MGAT5: variants seen among roughly 807,000 people sequenced by gnomAD.
The protein encoded by MGAT5 is alpha-1,6-mannosylglycoprotein 6-beta-N-acetylglucosaminyltransferase, also known as alpha-1,6-mannosylglycoprotein 6-beta-N-acetylglucosaminyltransferase A.
Under a neutral mutation model 94.3 loss-of-function variants are expected in MGAT5, and 30 were observed. That is an observed-to-expected ratio of 0.32 (90% CI 0.24 to 0.43). The LOEUF is 0.43. Ranked by LOEUF, MGAT5 falls within the 20% of genes least tolerant of loss-of-function variation. The pLI, the probability that MGAT5 is intolerant of heterozygous loss-of-function variation, is 1.00. For synonymous variants in MGAT5, 310 were observed against 322.9 expected, an observed-to-expected ratio of 0.96 and a Z score of 0.43; for missense variants, 691 against 905.5, an observed-to-expected ratio of 0.76 and a Z score of 3.04.
intron 1 of MGAT5, among the ~76,000 whole-genome samples, chr2:134,207,908 G>A (rs1680097808): frequency 6.6e-6 from 1 of 152,230 alleles, no homozygotes; most frequent in African/African-American, 2.4e-5. Flanking sequence ...GTTGGTTTGT[G>A]TGTCATAACT....
intron 10 of MGAT5, among the ~76,000 whole-genome samples, chr2:134,376,447 A>G (rs1269789960): frequency 6.6e-6 from 1 of 152,106 alleles, no homozygotes; most frequent in Non-Finnish European, 1.5e-5. Context: ...CTTATTCTTA[A>G]TGATAACGTT....
At chr2:134,317,388 A>C (rs1687053616) in intron 2 of MGAT5, 141 bp from the exon 3 acceptor site, 2 of 499,234 alleles carry the variant, frequency 4.0e-6, no homozygotes, top group Non-Finnish European at 6.9e-6. Context: ...TTGGAGCTGG[A>C]GGGGCTCCAT....
upstream of MGAT5, among the ~76,000 whole-genome samples, chr2:134,249,188 A>G (rs1230081350): frequency 6.7e-6 from 1 of 148,214 alleles, no homozygotes; most frequent in Non-Finnish European, 1.5e-5. Flanking sequence ...CCTTTTCCCC[A>G]TAGCTTTAGA....
At chr2:134,263,836 GAGA>G (rs1213582783) in intron 1 of MGAT5, among the ~76,000 whole-genome samples, 1 of 151,676 alleles carries the variant, frequency 6.6e-6, no homozygotes, top group African/African-American at 2.4e-5. Flanking sequence ...AGGAAGTATG[GAGA>G]AGAATAAAGA....
At chr2:134,355,730 A>G (rs1482948545) in intron 9 of MGAT5, among the ~76,000 whole-genome samples, 1 of 152,194 alleles carries the variant, frequency 6.6e-6, no homozygotes, top group Admixed American at 6.5e-5. Context: ...CGGTATTTGG[A>G]TAGCTCTAAT....
intron 1 of MGAT5, among the ~76,000 whole-genome samples, chr2:134,257,754 T>G (rs1187649822): frequency 1.3e-5 from 2 of 151,132 alleles, no homozygotes; most frequent in East Asian, 1.9e-4. Flanking sequence ...CACATGCTGG[T>G]GCAGAGACTG....
chr2:134,208,249 TC>T (rs1680116338), intron 1 of MGAT5, among the ~76,000 whole-genome samples: 1 of 152,248 alleles, frequency 6.6e-6, no homozygotes, highest in Non-Finnish European at 1.5e-5. Flanking sequence ...CTTCAGTTTA[TC>T]CTGCATCAAC....
intron 1 of MGAT5, among the ~76,000 whole-genome samples, chr2:134,173,914 G>C (rs934224384): frequency 1.3e-5 from 2 of 152,208 alleles, no homozygotes; most frequent in African/African-American, 4.8e-5. Flanking sequence ...GAAATAGTTG[G>C]ATCATCCTGA....
At chr2:134,159,188 C>CGTGTGTGTGT (rs138643972) in intron 1 of MGAT5, among the ~76,000 whole-genome samples, 4,248 of 144,012 alleles carry the variant, frequency 0.029, 100 homozygotes, top group Middle Eastern at 0.043. Flanking sequence ...GGTCTAAATT[C>CGTGTGTGTGT]GTGTGTGTGT....
chr2:134,356,307 AT>A (rs915785138), intron 9 of MGAT5, among the ~76,000 whole-genome samples: 6 of 149,956 alleles, frequency 4.0e-5, no homozygotes, highest in African/African-American at 9.8e-5. Flanking sequence ...CACTTCTTTG[AT>A]TTTTTTTTTC....
Position 134,441,798 on chromosome 2 carries a change from C to T in MGAT5, c.1910C>T (p.Ala637Val), listed in dbSNP as rs1446149830. ...HGQVMWPPLSALQVKLAEPGQ... is the reference protein window; with the variant it reads ...HGQVMWPPLSVLQVKLAEPGQ... ...CAAGTGATGTGGCCACCCCTCAGCG[C>T]CCTACAGGTCAAGCTTGCTGAGCCC... The change falls in exon 15 of 16, where the codon GCC (alanine) becomes GTC (valine). Residue 637 changes from alanine to valine, a missense_variant. By Grantham distance (64) the Ala-to-Val change is moderately conservative. Around this residue, in one of 4 missense-constraint regions of MGAT5, gnomAD observed 260 missense variants for 347.0 expected, o/e 0.75. Coordinates refer to ENST00000281923, the MANE Select transcript of MGAT5 (RefSeq NM_002410.5). 6 of 1,614,096 alleles carry T rather than the reference C, an allele frequency of 3.7e-6. No individual in the cohort carries two copies. Among genetic ancestry groups the T allele is most frequent in the Non-Finnish European group, 4.2e-6 (5 of 1,179,976 alleles).
At chr2:134,375,401 C>T (rs1185416471) in intron 10 of MGAT5, among the ~76,000 whole-genome samples, 1 of 152,172 alleles carries the variant, frequency 6.6e-6, no homozygotes, top group African/African-American at 2.4e-5. Context: ...GTACTGATTT[C>T]AAGGAAAGGT....
Position 134,254,607 on chromosome 2 carries a change from G to A in MGAT5, c.204G>A (p.Val68=), listed in dbSNP as rs748361192. 7.4e-6 allele frequency: 12 copies of A among 1,614,194 alleles called. No individual in the cohort carries two copies. The South Asian group carries it at 8.8e-5, about 12-fold the overall frequency. The stretch of plus-strand genomic sequence containing the variant: ...CACTGGCAGAAGAAAACAGGAATGT[G>A]GTGGATGGGCCATACGCTGGAGTCA... ...IKALAEENRN[V]VDGPYAGVMT... Residue 68 remains valine, a synonymous_variant, in exon 1 of 16, where the codon GTG becomes GTA. Coordinates refer to ENST00000281923, the MANE Select transcript of MGAT5 (RefSeq NM_002410.5).
intron 4 of MGAT5, among the ~76,000 whole-genome samples, chr2:134,329,086 CTG>C (rs765605829): frequency 2.1e-4 from 31 of 146,522 alleles, no homozygotes; most frequent in Non-Finnish European, 3.8e-4. Flanking sequence ...AAAACAAAAA[CTG>C]TTGTTTGTCT....
In MGAT5 at chr2:134,145,615, C is replaced by T. The variant is rs1217327991; in HGVS notation, c.-143+25324C>T. 3.3e-5 allele frequency among the ~76,000 whole-genome samples: 5 copies of T among 152,204 alleles called. No individual in the cohort carries two copies. The East Asian group carries it at 7.7e-4, about 23-fold the overall frequency. On this transcript the variant is annotated intron_variant, in intron 1 of 16. Transcript: ENST00000409645. ...TGAACTGAAAATAACTAACAAGATC[C>T]GAGGAGTGAGGGGCAGGAAAAAGAG...
chr2:134,387,065 CA>C (rs1682029480), intron 10 of MGAT5, among the ~76,000 whole-genome samples: 1 of 151,580 alleles, frequency 6.6e-6, no homozygotes, highest in African/African-American at 2.4e-5. Context: ...AGTTTGAGAC[CA>C]GCCTGACCAA....
chr2:134,311,086 G>A (rs1432148429), intron 2 of MGAT5, among the ~76,000 whole-genome samples: 1 of 152,206 alleles, frequency 6.6e-6, no homozygotes. Flanking sequence ...AATATCTTTA[G>A]AGTGTCATTG....
At chr2:134,183,190 G>C (rs1357152053) in intron 1 of MGAT5, among the ~76,000 whole-genome samples, 2 of 152,148 alleles carry the variant, frequency 1.3e-5, no homozygotes, top group Non-Finnish European at 2.9e-5. Flanking sequence ...AATTTTCAGT[G>C]GTAGAGTCAC....
intron 1 of MGAT5, among the ~76,000 whole-genome samples, chr2:134,220,702 C>T (rs1270190074): frequency 6.6e-6 from 1 of 152,132 alleles, no homozygotes; most frequent in Non-Finnish European, 1.5e-5. Flanking sequence ...AGGGATCAGC[C>T]TTCTCCCCTC....
Sources: gnomAD v4.1 joint callset for allele counts (sites outside exome capture counted in the v4.1 genomes callset) on GRCh38, gnomAD v4.1.1 for gene constraint, gnomAD v4.1.1 regional missense constraint, MANE v1.5 for transcripts, NCBI Gene and HGNC (gene_info 2026-07-23, HGNC 2026-07-21) for gene names.